The following C11orf97 variants were observed in gnomAD, a reference collection of about 807,000 sequenced individuals.
C11orf97 encodes uncharacterized protein C11orf97.
C11orf97 carries 15 observed loss-of-function variants against 16.2 expected under a neutral mutation model. That is an observed-to-expected ratio of 0.93 (90% CI 0.62 to 1.43). The LOEUF (loss-of-function observed/expected upper bound fraction) is 1.43, where lower values mean the gene tolerates loss of function less well. Among genes scored for constraint, C11orf97 ranks in the 40% most tolerant of loss-of-function variants. The pLI is 0.00. For missense variants in C11orf97, 171 were observed against 161.2 expected, an observed-to-expected ratio of 1.06 and a Z score of -0.33; for synonymous variants, 61 against 65.7, an observed-to-expected ratio of 0.93 and a Z score of 0.34.
At chr11:94,530,702 T>C (rs149460915) in intron 3 of C11orf97, among the ~76,000 whole-genome samples, 13 of 152,342 alleles carry the variant, frequency 8.5e-5, no homozygotes, top group Non-Finnish European at 1.8e-4. Flanking sequence ...AGAATCTTCT[T>C]GCTGCTAACT....
chr11:94,519,747 T>G (rs1947643007), intron 2 of C11orf97, among the ~76,000 whole-genome samples: 1 of 152,354 alleles, frequency 6.6e-6, no homozygotes, highest in East Asian at 1.9e-4. Context: ...TCTATAAATT[T>G]GGGTTTTAAA....
intron 1 of C11orf97, among the ~76,000 whole-genome samples, chr11:94,516,232 G>A (rs1312141521): frequency 6.6e-6 from 1 of 152,164 alleles, no homozygotes; most frequent in East Asian, 1.9e-4. Flanking sequence ...TGACTCACTT[G>A]TGTTGTTTAT....
intron 1 of C11orf97, among the ~76,000 whole-genome samples, chr11:94,514,332 A>T (rs1475770939): frequency 1.3e-5 from 2 of 152,170 alleles, no homozygotes; most frequent in Non-Finnish European, 2.9e-5. Flanking sequence ...TTGGGGTGGG[A>T]AAATGAAAGA....
At chr11:94,513,582 C>T (rs1403382483) in intron 1 of C11orf97, among the ~76,000 whole-genome samples, 2 of 152,198 alleles carry the variant, frequency 1.3e-5, no homozygotes, top group African/African-American at 2.4e-5. Flanking sequence ...GCTGAAGCAC[C>T]TCCATACTTG....
chr11:94,525,444 AC>A (rs1402551614), intron 2 of C11orf97, among the ~76,000 whole-genome samples: 4 of 152,274 alleles, frequency 2.6e-5, no homozygotes, highest in African/African-American at 9.6e-5. Context: ...CTACTTAAGT[AC>A]AAGCTTAGAA....
chr11:94,523,416 G>A (rs1019516387), intron 2 of C11orf97, among the ~76,000 whole-genome samples: 1 of 152,222 alleles, frequency 6.6e-6, no homozygotes, highest in South Asian at 2.1e-4. Flanking sequence ...ATTGTTGAAG[G>A]TGAGATTTCA....
chr11:94,530,964 C>G (rs1353548678), intron 3 of C11orf97, among the ~76,000 whole-genome samples: 2 of 152,228 alleles, frequency 1.3e-5, no homozygotes, highest in Non-Finnish European at 1.5e-5. Flanking sequence ...TCAAATCCCA[C>G]TGTCAATTTA....
chr11:94,524,865 C>T (rs1484789105), intron 2 of C11orf97, among the ~76,000 whole-genome samples: 1 of 152,008 alleles, frequency 6.6e-6, no homozygotes, highest in Non-Finnish European at 1.5e-5. Flanking sequence ...TCAAAACCAG[C>T]CCAGGCAACA....
intron 1 of C11orf97, 87 bp from the exon 2 acceptor site, chr11:94,517,496 T>TA (rs1230838461): frequency 8.8e-6 from 6 of 685,266 alleles, no homozygotes; most frequent in African/African-American, 3.7e-5. Flanking sequence ...TGTCTTCTTT[T>TA]AAAAAAATTG....
chr11:94,517,535 T>C (rs1438919123), intron 1 of C11orf97, 48 bp from the exon 2 acceptor site: 23 of 1,111,950 alleles, frequency 2.1e-5, no homozygotes, highest in African/African-American at 7.9e-5. Context: ...GGCTAGAAGA[T>C]TGGGCAGTAT....
At chr11:94,527,173 T>C (rs1006580052) in intron 2 of C11orf97, among the ~76,000 whole-genome samples, 1 of 152,192 alleles carries the variant, frequency 6.6e-6, no homozygotes, top group African/African-American at 2.4e-5. Context: ...AAAACCCAGA[T>C]CTCCTCTGAA....
intron 3 of C11orf97, among the ~76,000 whole-genome samples, chr11:94,529,000 C>G (rs1947719345): frequency 6.6e-6 from 1 of 152,100 alleles, no homozygotes; most frequent in African/African-American, 2.4e-5. Context: ...CAATAATAGG[C>G]TGGGCACAGT....
intron 2 of C11orf97, among the ~76,000 whole-genome samples, chr11:94,522,704 GA>G (rs1947668672): frequency 6.6e-6 from 1 of 152,184 alleles, no homozygotes; most frequent in Non-Finnish European, 1.5e-5. Context: ...ATTAGACTGT[GA>G]GGGGTACCTT....
intron 1 of C11orf97, 83 bp downstream of exon 1, chr11:94,512,756 G>T: frequency 8.2e-7 from 1 of 1,219,256 alleles, no homozygotes; most frequent in South Asian, 4.1e-5. Flanking sequence ...AAACCGCAGT[G>T]GGACTGGCTG....
chr11:94,522,419 GC>G (rs1469912640), intron 2 of C11orf97, among the ~76,000 whole-genome samples: 1 of 152,032 alleles, frequency 6.6e-6, no homozygotes, highest in African/African-American at 2.4e-5. Context: ...TGCCTGTAGT[GC>G]CAGCTACTCG....
rs77300843 is a variant in C11orf97 at position 94,519,256 on chromosome 11, G to A, written c.250+1569G>A. Among the ~76,000 whole-genome samples, 530 of 152,212 alleles carry A rather than the reference G, an allele frequency of 3.5e-3. 1 individual carries two copies. Among genetic ancestry groups the A allele is most frequent in the African/African-American group, 0.012 (501 of 41,518 alleles). ...CATAGAAACTCCTTTGGGTCTTCTC[G>A]TATGACCCATTCTTATAAAAGGAGA... On this transcript the variant is annotated intron_variant, in intron 2 of 3. Transcript: ENST00000542198.
intron 2 of C11orf97, among the ~76,000 whole-genome samples, chr11:94,526,994 A>G (rs1222758122): frequency 6.6e-6 from 1 of 152,214 alleles, no homozygotes; most frequent in Non-Finnish European, 1.5e-5. Context: ...GTACAAAAAT[A>G]GCTATCATTT....
chr11:94,514,743 C>T (rs1241794060), intron 1 of C11orf97, among the ~76,000 whole-genome samples: 1 of 144,306 alleles, frequency 6.9e-6, no homozygotes, highest in Non-Finnish European at 1.5e-5. Context: ...TTCCTGGGTT[C>T]AAGCAATTCT....
chr11:94,515,018 A>G (rs1947600863), intron 1 of C11orf97, among the ~76,000 whole-genome samples: 1 of 152,162 alleles, frequency 6.6e-6, no homozygotes, highest in South Asian at 2.1e-4. Context: ...TCTCCAGTGT[A>G]TCATATCACT....
Sources: gnomAD v4.1 joint callset for allele counts (sites outside exome capture counted in the v4.1 genomes callset) on GRCh38, gnomAD v4.1.1 for gene constraint, MANE v1.5 for transcripts, NCBI Gene and HGNC (gene_info 2026-07-23, HGNC 2026-07-21) for gene names.